Variants in ADRA1A observed in about 807,000 individuals in gnomAD.
The protein encoded by ADRA1A is adrenoceptor alpha 1A, also known as alpha-1A adrenergic receptor.
ADRA1A carries 31 observed loss-of-function variants against 29.6 expected under a neutral mutation model. The ratio of observed to expected loss-of-function variants is 1.05; its 90% CI spans 0.79 to 1.41. The LOEUF (loss-of-function observed/expected upper bound fraction) is 1.41, where lower values mean the gene tolerates loss of function less well. ADRA1A is among the 40% of genes most tolerant of loss of function. The probability of loss-of-function intolerance (pLI) is 0.00; values close to 1 mark genes in which losing one functional copy is unlikely to be tolerated. For synonymous variants in ADRA1A, 311 were observed against 254.3 expected, an observed-to-expected ratio of 1.22 and a Z score of -2.12; for missense variants, 619 against 601.1, an observed-to-expected ratio of 1.03 and a Z score of -0.31.
chr8:26,850,874 G>T (rs1357085805), intron 2 of ADRA1A, among the ~76,000 whole-genome samples: 5 of 152,036 alleles, frequency 3.3e-5, no homozygotes, highest in African/African-American at 1.2e-4. Context: ...AACTTTGTGG[G>T]CCATACAGTC....
intron 2 of ADRA1A, among the ~76,000 whole-genome samples, chr8:26,853,399 C>A (rs1228931051): frequency 6.6e-6 from 1 of 152,018 alleles, no homozygotes; most frequent in Non-Finnish European, 1.5e-5. Flanking sequence ...GTTTTCTTGG[C>A]AGAATGAATG....
intron 2 of ADRA1A, among the ~76,000 whole-genome samples, chr8:26,827,295 G>A (rs892113738): frequency 1.3e-5 from 2 of 152,212 alleles, no homozygotes; most frequent in Non-Finnish European, 1.5e-5. Flanking sequence ...AAATGTTGAG[G>A]TTGAATGGAA....
chr8:26,862,776 G>A (rs1202967453), intron 2 of ADRA1A, among the ~76,000 whole-genome samples: 2 of 152,234 alleles, frequency 1.3e-5, no homozygotes, highest in South Asian at 2.1e-4. Context: ...CACTGGCCAC[G>A]TGTGACTATG....
Position 26,831,173 on chromosome 8 carries a change from C to T in ADRA1A, c.883+32914G>A, listed in dbSNP as rs1234075416. ...ATCCCCTGCTGACTTGTCAAACTCT[C>T]ATATGGATGTTAAGAAGATTAAGAT... On this transcript the variant is annotated intron_variant, in intron 2 of 2. Coordinates refer to ENST00000380573, the MANE Select transcript of ADRA1A (RefSeq NM_000680.4). This position sits in a 1 kb window ranked among gnomAD's most constrained non-coding sequence, Gnocchi z 5.2. Among the ~76,000 whole-genome samples the T allele has an allele frequency of 1.3e-5, 2 of 152,138 alleles. No homozygotes were observed. The highest frequency in any genetic ancestry group is 1.5e-5 in the Non-Finnish European group (1 of 68,032).
rs1809700411 is a variant in ADRA1A at position 26,815,647 on chromosome 8, A to G, written c.884-44981T>C. Among the ~76,000 whole-genome samples, 1 of 152,202 alleles carries G rather than the reference A, an allele frequency of 6.6e-6. No homozygotes were observed. The highest frequency in any genetic ancestry group is 1.5e-5 in the Non-Finnish European group (1 of 68,044). ...AGGAACCTGATCAGTCTCAGCCTGG[A>G]TACTGTTTGTGGGAGAGAAAGGTCT... On this transcript the variant is annotated intron_variant, in intron 2 of 2. Coordinates refer to ENST00000380573, the MANE Select transcript of ADRA1A (RefSeq NM_000680.4). This position sits in a 1 kb window ranked among gnomAD's most constrained non-coding sequence, Gnocchi z 4.2.
rs1418188600 is a variant in ADRA1A, at chr8:26,812,703, C to T, written c.884-42037G>A. Among the ~76,000 whole-genome samples the T allele has an allele frequency of 6.6e-5, 10 of 151,708 alleles. No homozygotes were observed. The East Asian group carries it at 1.9e-3, about 29-fold the overall frequency. On this transcript the variant is annotated intron_variant, in intron 2 of 2. Coordinates refer to ENST00000380573, the MANE Select transcript of ADRA1A (RefSeq NM_000680.4). ...TTTTTGAGATGGGGTCTCACTCTGT[C>T]ACCCAGGCTGGAGTGCAGTGGCGCG...
At chr8:26,834,148 G>A (rs1419813856) in intron 2 of ADRA1A, among the ~76,000 whole-genome samples, 4 of 152,112 alleles carry the variant, frequency 2.6e-5, no homozygotes, top group Non-Finnish European at 5.9e-5. Context: ...ACTCACAGTA[G>A]CAACAAAACT....
In ADRA1A at chr8:26,803,112, A is replaced by G. The variant is rs184478083; in HGVS notation, c.884-32446T>C. Among the ~76,000 whole-genome samples, 421 of 152,252 alleles carry G rather than the reference A, an allele frequency of 2.8e-3. 8 individuals are homozygous for G. The highest frequency in any genetic ancestry group is 0.024 in the Admixed American group (360 of 15,282). On this transcript the variant is annotated intron_variant, in intron 2 of 2. Coordinates refer to ENST00000380573, the MANE Select transcript of ADRA1A (RefSeq NM_000680.4). ...GGGAGGGTGAAGATGGGAAATGGGG[A>G]TGGTTAATCTAAAAATATAGTTAGA...
intron 2 of ADRA1A, among the ~76,000 whole-genome samples, chr8:26,850,653 G>A (rs976344702): frequency 2.0e-5 from 3 of 152,068 alleles, no homozygotes; most frequent in East Asian, 1.9e-4. Context: ...GTGCCACCAC[G>A]CCTAATTTTT....
chr8:26,818,722 C>T (rs981112787), intron 2 of ADRA1A, among the ~76,000 whole-genome samples: 5 of 151,908 alleles, frequency 3.3e-5, no homozygotes, highest in African/African-American at 1.2e-4. Flanking sequence ...CAACAGCAGA[C>T]TTGATCAAGG....
At chr8:26,757,180 C>T (rs1380325907) in intron 2 of ADRA1A, 41 of 668,772 alleles carry the variant, frequency 6.1e-5, no homozygotes, top group Non-Finnish European at 9.3e-5. Context: ...ACCTCATCCC[C>T]GAAAGTGACT....
At chr8:26,767,984 A>G (rs529559784), downstream of ADRA1A, among the ~76,000 whole-genome samples, 1 of 152,328 alleles carries the variant, frequency 6.6e-6, no homozygotes, top group African/African-American at 2.4e-5. Flanking sequence ...CAGAGAGAGA[A>G]CAGAAGAGTC....
downstream of ADRA1A, among the ~76,000 whole-genome samples, chr8:26,752,465 G>A (rs1236966277): frequency 6.6e-6 from 1 of 152,164 alleles, no homozygotes; most frequent in Non-Finnish European, 1.5e-5. Flanking sequence ...AATATAACTG[G>A]CTTCCAGGTA....
At chr8:26,867,301 G>C (rs1813967337), upstream of ADRA1A, 2 of 985,290 alleles carry the variant, frequency 2.0e-6, no homozygotes, top group African/African-American at 3.5e-5. Context: ...AGCTAGTACC[G>C]TAATCTCCTG....
Position 26,774,623 on chromosome 8 carries a change from G to A in ADRA1A, c.884-3957C>T, listed in dbSNP as rs573526280. ...GGTAGAAGTTGTAGTGAGCTAATGCGCACCACTGCAGTCCAGCATGGGCAA... is the reference window on the plus strand; with the variant it reads ...GGTAGAAGTTGTAGTGAGCTAATGCACACCACTGCAGTCCAGCATGGGCAA... On this transcript the variant is annotated intron_variant, in intron 2 of 2. Coordinates refer to ENST00000380573, the MANE Select transcript of ADRA1A (RefSeq NM_000680.4). Among the ~76,000 whole-genome samples, 48 of 150,990 alleles carry A rather than the reference G, an allele frequency of 3.2e-4. No homozygotes were observed. In the South Asian group the frequency reaches 6.5e-3, roughly 20 times the overall value.
In ADRA1A at chr8:26,866,288, C is replaced by A. The variant is rs1585874289; in HGVS notation, c.-686-633G>T. Among the ~76,000 whole-genome samples, 1 of 152,168 alleles carries A rather than the reference C, an allele frequency of 6.6e-6. No homozygotes were observed. The highest frequency in any genetic ancestry group is 6.5e-5 in the Admixed American group (1 of 15,286). ...GAGGGACCCGAAGACAGAAAGCGACCCAGGTCTGTCCACGACGCCTTTCCA... is the reference window on the plus strand; with the variant it reads ...GAGGGACCCGAAGACAGAAAGCGACACAGGTCTGTCCACGACGCCTTTCCA... On this transcript the variant is annotated intron_variant, in intron 1 of 2. Transcript: ENST00000380573. This position sits in a 1 kb window ranked among gnomAD's most constrained non-coding sequence, Gnocchi z 5.7.
At chr8:26,772,868 C>CAG (rs1806275154) in intron 2 of ADRA1A, among the ~76,000 whole-genome samples, 4 of 103,960 alleles carry the variant, frequency 3.8e-5, no homozygotes, top group Non-Finnish European at 7.4e-5. Context: ...TTCACACACA[C>CAG]ACACACACAC....
chr8:26,779,354 C>T (rs982202439), intron 2 of ADRA1A: 25 of 702,938 alleles, frequency 3.6e-5, no homozygotes, highest in Admixed American at 3.4e-4. Context: ...CCTCCAACCC[C>T]AGCACTGCTG....
At chr8:26,804,752 A>T (rs1036123935) in intron 2 of ADRA1A, among the ~76,000 whole-genome samples, 1 of 152,210 alleles carries the variant, frequency 6.6e-6, no homozygotes, top group African/African-American at 2.4e-5. Context: ...TGTGTGTCTC[A>T]TTGGAAGAAC....
Sources: gnomAD v4.1 joint callset for allele counts (sites outside exome capture counted in the v4.1 genomes callset) on GRCh38, gnomAD v4.1.1 for gene constraint, Gnocchi (gnomAD v3.1) non-coding constraint, MANE v1.5 for transcripts, NCBI Gene and HGNC (gene_info 2026-07-23, HGNC 2026-07-21) for gene names.